The following ADCY9 variants were observed in gnomAD, a reference collection of about 807,000 sequenced individuals.
The protein encoded by ADCY9 is adenylate cyclase 9.
Under a neutral mutation model 101.5 loss-of-function variants are expected in ADCY9, and 50 were observed. The ratio of observed to expected loss-of-function variants is 0.49; its 90% CI spans 0.39 to 0.62. ADCY9 has a LOEUF of 0.62. Among genes scored for constraint, ADCY9 ranks in the 20% least tolerant of loss-of-function variants. ADCY9 has a pLI of 0.00. For missense variants in ADCY9, 1,662 were observed against 1,800.4 expected (o/e 0.92, Z 1.39); for synonymous variants, 905 against 769.3 (o/e 1.18, Z -2.92).
rs572588986 is a variant in ADCY9, at chr16:4,060,765, T to C, written c.1693+52985A>G. Among the ~76,000 whole-genome samples, 301 of 152,274 alleles carry C rather than the reference T, an allele frequency of 2.0e-3. 12 individuals are homozygous for C. In the South Asian group the frequency reaches 0.06, roughly 30 times the overall value. ...GCCAAAGGTGATCATAATCCAGAGT[T>C]GCTACAACGTATTAACTAAAATACA... is the stretch of plus-strand genomic sequence containing the variant. On this transcript the variant is annotated intron_variant, in intron 2 of 10. Transcript: ENST00000294016.
chr16:4,052,676 A>G (rs539214527), intron 2 of ADCY9, among the ~76,000 whole-genome samples: 7 of 152,228 alleles, frequency 4.6e-5, no homozygotes, highest in Non-Finnish European at 8.8e-5. Context: ...GAATCACTAG[A>G]TATCAACTAG....
intron 2 of ADCY9, among the ~76,000 whole-genome samples, chr16:4,033,343 T>A (rs2056568554): frequency 6.6e-6 from 1 of 151,960 alleles, no homozygotes. Context: ...ACTGCAGAAC[T>A]AAATATGCAA....
intron 5 of ADCY9, among the ~76,000 whole-genome samples, chr16:3,990,150 T>C (rs552169298): frequency 4.2e-4 from 64 of 152,268 alleles, no homozygotes; most frequent in African/African-American, 1.5e-3. Flanking sequence ...CCTCTCTCCC[T>C]CATACAGTGA....
chr16:4,036,575 G>C (rs2056591902), intron 2 of ADCY9, among the ~76,000 whole-genome samples: 1 of 145,520 alleles, frequency 6.9e-6, no homozygotes, highest in South Asian at 2.2e-4. Flanking sequence ...CAATTCTCCT[G>C]CCTCAGCCTC....
intron 10 of ADCY9, among the ~76,000 whole-genome samples, chr16:3,969,569 A>AAAATATATATATATAT (rs2056029345): frequency 2.2e-5 from 1 of 45,228 alleles, no homozygotes; most frequent in South Asian, 6.7e-4. Context: ...GTTTGTTTGA[A>AAAATATATATATATAT]ATATATATAT....
Position 3,983,306 on chromosome 16 carries a change from A to T in ADCY9, c.2445T>A (p.Pro815=), listed in dbSNP as rs758800120. The change falls in exon 7 of 11, where the codon CCT becomes CCA. Residue 815 remains proline (P), a synonymous_variant. Transcript: ENST00000294016. ...CFLKYEAATV[P]PPPAALAVFS... The stretch of plus-strand genomic sequence containing the variant: ...AGACCGCCAGGGCGGCGGGCGGGGG[A>T]GGCACGGTGGCCGCCTCGTACTTCA... The T allele has an allele frequency of 6.4e-7, 1 of 1,566,258 alleles. No individual in the cohort carries two copies. Among genetic ancestry groups the T allele is most frequent in the Non-Finnish European group, 8.7e-7 (1 of 1,156,056 alleles).
chr16:4,111,388 A>C (rs937716772), intron 2 of ADCY9, among the ~76,000 whole-genome samples: 12 of 152,138 alleles, frequency 7.9e-5, no homozygotes, highest in Admixed American at 7.9e-4. Flanking sequence ...GGTTCAAACA[A>C]TTCTCCTGCC....
chr16:4,082,063 G>A (rs181687810), intron 2 of ADCY9, among the ~76,000 whole-genome samples: 1 of 152,176 alleles, frequency 6.6e-6, no homozygotes, highest in East Asian at 1.9e-4. Context: ...AGAACAAGCA[G>A]CTACATTTTC....
intron 10 of ADCY9, among the ~76,000 whole-genome samples, chr16:3,972,199 G>A (rs898879160): frequency 2.6e-5 from 4 of 151,600 alleles, no homozygotes; most frequent in African/African-American, 9.7e-5. Flanking sequence ...AAATAGCAAA[G>A]ATCCACTTCA....
At chr16:4,093,969 A>G (rs1342596260) in intron 2 of ADCY9, among the ~76,000 whole-genome samples, 1 of 152,146 alleles carries the variant, frequency 6.6e-6, no homozygotes, top group African/African-American at 2.4e-5. Flanking sequence ...CAGTAACATC[A>G]TGACTGGAGC....
At chr16:3,995,605 T>A (rs2601793) in intron 3 of ADCY9, among the ~76,000 whole-genome samples, 30,052 of 93,378 alleles carry the variant, frequency 0.32, 3,150 homozygotes, top group South Asian at 0.5. Flanking sequence ...AGAAATATAT[T>A]TTTTTTTTTT....
At chr16:4,086,951 C>T (rs1192289788) in intron 2 of ADCY9, among the ~76,000 whole-genome samples, 3 of 152,072 alleles carry the variant, frequency 2.0e-5, no homozygotes, top group East Asian at 1.9e-4. Flanking sequence ...TGAGCCACCA[C>T]GCCCAGCCCT....
At chr16:4,056,596 A>G (rs977958533) in intron 2 of ADCY9, among the ~76,000 whole-genome samples, 1 of 152,100 alleles carries the variant, frequency 6.6e-6, no homozygotes, top group African/African-American at 2.4e-5. Flanking sequence ...AGGAGTCAGA[A>G]TCAGTCCTCA....
intron 2 of ADCY9, among the ~76,000 whole-genome samples, chr16:4,067,777 A>C (rs1286208570): frequency 1.3e-5 from 2 of 152,200 alleles, no homozygotes; most frequent in African/African-American, 2.4e-5. Context: ...GCAACCTCCC[A>C]AACACTTTGC....
At chr16:3,983,153 A>T (rs927463778) in intron 7 of ADCY9, 79 bp downstream of exon 7, 26 of 1,355,444 alleles carry the variant, frequency 1.9e-5, no homozygotes, top group Non-Finnish European at 2.6e-5. Context: ...GACCAGTCCA[A>T]CCGCTCAGCC....
At chr16:3,999,309 T>C (rs1464115545) in intron 3 of ADCY9, among the ~76,000 whole-genome samples, 1 of 152,154 alleles carries the variant, frequency 6.6e-6, no homozygotes, top group Non-Finnish European at 1.5e-5. Flanking sequence ...ATCCTACCCG[T>C]GAACAAGTCG....
At chr16:4,044,892 T>C (rs2056652033) in intron 2 of ADCY9, among the ~76,000 whole-genome samples, 1 of 151,930 alleles carries the variant, frequency 6.6e-6, no homozygotes, top group African/African-American at 2.4e-5. Context: ...AGACCAACAA[T>C]CCACTTCCCG....
intron 6 of ADCY9, among the ~76,000 whole-genome samples, chr16:3,988,349 G>A (rs72762733): frequency 6.6e-6 from 1 of 151,710 alleles, no homozygotes; most frequent in African/African-American, 2.4e-5. Flanking sequence ...GAAGAAAGCA[G>A]GGAGGGCAAC....
At chr16:4,037,489 C>T (rs1396871335) in intron 2 of ADCY9, among the ~76,000 whole-genome samples, 1 of 152,070 alleles carries the variant, frequency 6.6e-6, no homozygotes, top group Admixed American at 6.6e-5. Context: ...GATTCCATAC[C>T]TTTGCTATTG....
Sources: gnomAD v4.1 joint callset for allele counts (sites outside exome capture counted in the v4.1 genomes callset) on GRCh38, gnomAD v4.1.1 for gene constraint, MANE v1.5 for transcripts, NCBI Gene and HGNC (gene_info 2026-07-23, HGNC 2026-07-21) for gene names.